Variants in AFDN observed in about 807,000 individuals in gnomAD.
AFDN encodes the protein afadin.
A neutral mutation model predicts 216.6 loss-of-function variants in AFDN; 68 were observed. The observed-to-expected ratio is 0.31, with a 90% CI of 0.26 to 0.38. The LOEUF is 0.38. AFDN is among the 10% of genes least tolerant of loss of function. The pLI, the probability that AFDN is intolerant of heterozygous loss-of-function variation, is 1.00. For synonymous variants in AFDN, 868 were observed against 853.7 expected, an observed-to-expected ratio of 1.02 and a Z score of -0.29; for missense variants, 2,136 against 2,342.0, an observed-to-expected ratio of 0.91 and a Z score of 1.82.
intron 1 of AFDN, among the ~76,000 whole-genome samples, chr6:167,830,528 G>C (rs1040675067): frequency 1.2e-4 from 19 of 152,152 alleles, no homozygotes; most frequent in African/African-American, 4.6e-4. Context: ...ATGTTTTCAT[G>C]TCTTATTCTT....
intron 16 of AFDN, chr6:167,913,893 T>C (rs1444871973): frequency 2.1e-5 from 10 of 477,668 alleles, no homozygotes; most frequent in East Asian, 1.4e-4. Context: ...TTATTTGATA[T>C]CTCCATTTCT....
chr6:167,902,470 C>T (rs1016020278), intron 12 of AFDN, 84 bp downstream of exon 12: 1 of 1,026,340 alleles, frequency 9.7e-7, no homozygotes, highest in Non-Finnish European at 1.5e-6. Flanking sequence ...GGATGTGTTC[C>T]CCTTATTTGT....
At position 167,952,070 on chromosome 6, in the gene AFDN, G is replaced by A; in HGVS notation, c.4716G>A (p.Gln1572=). ...TGCGCAAGCTCATGCTGGAGTGGCAGTTCCAGAAGAGACTCCAGGAGTCGA... is the reference window on the plus strand; with the variant it reads ...TGCGCAAGCTCATGCTGGAGTGGCAATTCCAGAAGAGACTCCAGGAGTCGA... ...DRLRKLMLEW[Q]FQKRLQESKQ... The change falls in exon 30 of 34, where the codon CAG becomes CAA. Residue 1572 remains glutamine (Q), a synonymous_variant. Transcript: ENST00000683244. The A allele has an allele frequency of 6.2e-7, 1 of 1,614,138 alleles. No homozygotes were observed. Among genetic ancestry groups the A allele is most frequent in the South Asian group, 1.1e-5 (1 of 91,080 alleles).
rs79438121 is a variant in AFDN, at chr6:167,924,451, T to C, written c.3013-554T>C. Among the ~76,000 whole-genome samples, 20 of 152,354 alleles carry C rather than the reference T, an allele frequency of 1.3e-4. No individual in the cohort carries two copies. The East Asian group carries it at 3.9e-3, about 29-fold the overall frequency. ...ACCCAGCCAGGCGGGCTTCACTCAA[T>C]AGCAGCGTGCTCTGGGTGTTGCTGC... On this transcript the variant is annotated intron_variant, in intron 22 of 33. Transcript: ENST00000683244.
chr6:167,878,050 T>C (rs1208275761), intron 5 of AFDN, among the ~76,000 whole-genome samples: 1 of 152,198 alleles, frequency 6.6e-6, no homozygotes, highest in African/African-American at 2.4e-5. Context: ...GTACAAATAC[T>C]CTACTACCAT....
At chr6:167,848,451 T>C (rs1039697379) in intron 1 of AFDN, among the ~76,000 whole-genome samples, 4 of 152,208 alleles carry the variant, frequency 2.6e-5, no homozygotes, top group Non-Finnish European at 5.9e-5. Context: ...TTAACAGCTT[T>C]GCATTATTCT....
Position 167,951,699 on chromosome 6 carries a change from G to A in AFDN, c.4345G>A (p.Gly1449Ser). ...GCGGAGAGAGCAGGAGAGGAAGTTG[G>A]GCCAGATGCGCACTCAGTCCTTAAA... ...RKRREQERKL[G>S]QMRTQSLNPA... The change falls in exon 30 of 34, where the codon GGC becomes AGC. Residue 1449 changes from glycine to serine, a missense_variant. Gly to Ser is a moderately conservative substitution (Grantham distance 56). Around this residue, in one of 8 missense-constraint regions of AFDN, gnomAD observed 981 missense variants for 966.0 expected, o/e 1.02. Transcript: ENST00000683244. This position sits in a 1 kb window ranked among gnomAD's most constrained non-coding sequence, Gnocchi z 7.1. 6.2e-7 allele frequency: 1 copy of A among 1,613,986 alleles called. No homozygotes were observed. The highest frequency in any genetic ancestry group is 8.5e-7 in the Non-Finnish European group (1 of 1,179,980).
intron 30 of AFDN, chr6:167,954,435 T>C (rs200666407): frequency 1.9e-6 from 3 of 1,570,084 alleles, no homozygotes; most frequent in Non-Finnish European, 2.6e-6. Context: ...TTCTTTTTTT[T>C]TTTCTTTCTC....
At chr6:167,829,234 CT>C (rs1159191833) in intron 1 of AFDN, among the ~76,000 whole-genome samples, 2 of 151,956 alleles carry the variant, frequency 1.3e-5, no homozygotes, top group Non-Finnish European at 2.9e-5. Flanking sequence ...GGTTTTTTAG[CT>C]TTTTTACTAT....
Position 167,966,008 on chromosome 6 carries a change from C to T in AFDN, c.5220C>T (p.Tyr1740=), listed in dbSNP as rs1562356108. The T allele has an allele frequency of 6.5e-7, 1 of 1,549,716 alleles. No homozygotes were observed. Among genetic ancestry groups the T allele is most frequent in the Non-Finnish European group, 8.7e-7 (1 of 1,146,740 alleles). ...DSLFTAKFVA[Y]NEEEEEEDCS... ...TGTTCACTGCCAAGTTTGTTGCATA[C>T]AATGAGGAGGAGGAGGAGGAGGACT... Residue 1740 remains tyrosine, a synonymous_variant, in exon 32 of 34, where the codon TAC becomes TAT. Transcript: ENST00000683244.
At chr6:167,857,257 G>GA (rs1783010002) in intron 1 of AFDN, among the ~76,000 whole-genome samples, 1 of 152,036 alleles carries the variant, frequency 6.6e-6, no homozygotes, top group Non-Finnish European at 1.5e-5. Context: ...TAGAGAGTGA[G>GA]AGAGAGGGTT....
intron 30 of AFDN, among the ~76,000 whole-genome samples, chr6:167,956,113 T>TTAAA (rs1454707682): frequency 5.3e-5 from 1 of 18,862 alleles, no homozygotes; most frequent in Non-Finnish European, 9.4e-5. Context: ...AGACTTTGGC[T>TTAAA]CAAAAAAAAA....
At chr6:167,941,827 C>G (rs534973310) in intron 23 of AFDN, among the ~76,000 whole-genome samples, 1 of 151,892 alleles carries the variant, frequency 6.6e-6, no homozygotes, top group Non-Finnish European at 1.5e-5. Flanking sequence ...AGAGGGATGA[C>G]GAGGTGAACA....
At chr6:167,938,054 A>T (rs1010598484) in intron 23 of AFDN, among the ~76,000 whole-genome samples, 1 of 152,186 alleles carries the variant, frequency 6.6e-6, no homozygotes, top group Non-Finnish European at 1.5e-5. Context: ...GTAATGCAGG[A>T]CACAGTGACT....
In AFDN at chr6:167,947,871, G is replaced by A. The variant is rs1351589972; in HGVS notation, c.3572G>A (p.Gly1191Glu). 6.2e-7 allele frequency: 1 copy of A among 1,613,588 alleles called. No homozygotes were observed. Among genetic ancestry groups the A allele is most frequent in the South Asian group, 1.1e-5 (1 of 91,066 alleles). Residue 1191 changes from glycine to glutamate, a missense_variant, in exon 28 of 34, where the codon GGA becomes GAA. Around this residue, in one of 8 missense-constraint regions of AFDN, gnomAD observed 981 missense variants for 966.0 expected, o/e 1.02. Coordinates refer to ENST00000683244, the MANE Select transcript of AFDN (RefSeq NM_001386888.1). ...TGAGCAGATCAGCCTCCTAGTCCTG[G>A]AGGGAAAAGTGCATATGCCTCTGGA... ...PNVANQPPSP[G>E]GKSAYASGTT... is the part of the protein sequence containing the mutation.
chr6:167,956,148 A>T (rs949791106), intron 30 of AFDN, among the ~76,000 whole-genome samples: 23 of 148,958 alleles, frequency 1.5e-4, no homozygotes, highest in African/African-American at 4.7e-4. Flanking sequence ...AAACTATAGA[A>T]TTCTTTTTAT....
chr6:167,929,418 C>T (rs1314994297), intron 23 of AFDN, among the ~76,000 whole-genome samples: 1 of 152,194 alleles, frequency 6.6e-6, no homozygotes, highest in Non-Finnish European at 1.5e-5. Flanking sequence ...ATGGACCTTT[C>T]ACCAGCTGAA....
At chr6:167,884,790 A>G (rs1173241916) in intron 6 of AFDN, among the ~76,000 whole-genome samples, 2 of 152,220 alleles carry the variant, frequency 1.3e-5, no homozygotes, top group Non-Finnish European at 2.9e-5. Context: ...TAAAGTCACC[A>G]GCTTCATTCG....
At chr6:167,927,445 G>C (rs1192395311) in intron 23 of AFDN, among the ~76,000 whole-genome samples, 2 of 152,156 alleles carry the variant, frequency 1.3e-5, no homozygotes, top group African/African-American at 2.4e-5. Context: ...AGGAGTCTGT[G>C]CCTTATCTTG....
Sources: gnomAD v4.1 joint callset for allele counts (sites outside exome capture counted in the v4.1 genomes callset) on GRCh38, gnomAD v4.1.1 for gene constraint, gnomAD v4.1.1 regional missense constraint, Gnocchi (gnomAD v3.1) non-coding constraint, MANE v1.5 for transcripts, NCBI Gene and HGNC (gene_info 2026-07-23, HGNC 2026-07-21) for gene names.